The following CNTN3 variants were observed in gnomAD, a reference collection of about 807,000 sequenced individuals.
The protein encoded by CNTN3 is contactin-3.
Under a neutral mutation model 119.1 loss-of-function variants are expected in CNTN3, and 60 were observed. The observed-to-expected ratio is 0.50, with a 90% confidence interval of 0.41 to 0.62. The LOEUF is 0.62. Among genes scored for constraint, CNTN3 ranks in the 20% least tolerant of loss-of-function variants. CNTN3 has a pLI of 0.00. For missense variants in CNTN3, 1,101 were observed against 1,242.4 expected, an observed-to-expected ratio of 0.89 and a Z score of 1.71; for synonymous variants, 450 against 438.7, an observed-to-expected ratio of 1.03 and a Z score of -0.32.
intron 4 of CNTN3, among the ~76,000 whole-genome samples, chr3:74,432,998 T>C (rs917411995): frequency 7.2e-5 from 11 of 152,124 alleles, no homozygotes; most frequent in African/African-American, 2.7e-4. Flanking sequence ...CCAAAAAGAC[T>C]TGGGTGACAT....
At chr3:74,441,160 A>G (rs1052706250) in intron 4 of CNTN3, among the ~76,000 whole-genome samples, 5 of 152,166 alleles carry the variant, frequency 3.3e-5, no homozygotes, top group Non-Finnish European at 5.9e-5. Flanking sequence ...AGTTTTCATG[A>G]CATAGGCCTT....
chr3:74,405,876 C>T lies in CNTN3; in HGVS notation c.454+18969G>A, dbSNP rs546202894. On this transcript the variant is annotated intron_variant, in intron 5 of 22. Coordinates refer to ENST00000263665, the MANE Select transcript of CNTN3 (RefSeq NM_020872.3). ...TTAGTTTCAATAGATTCGTGGGTGA[C>T]GTTCATGAGTTCTCAGAAGATACAA... Among the ~76,000 whole-genome samples, 21 of 152,072 alleles carry T rather than the reference C, an allele frequency of 1.4e-4. 1 individual carries two copies. In the South Asian group the frequency reaches 3.3e-3, roughly 24 times the overall value.
intron 4 of CNTN3, among the ~76,000 whole-genome samples, chr3:74,436,636 T>G (rs1490019096): frequency 2.6e-5 from 4 of 152,220 alleles, no homozygotes; most frequent in African/African-American, 9.6e-5. Context: ...GTTGTTTATA[T>G]AAAAACAAAT....
chr3:74,502,742 T>G (rs1457630051), intron 2 of CNTN3, among the ~76,000 whole-genome samples: 4 of 152,100 alleles, frequency 2.6e-5, no homozygotes, highest in African/African-American at 9.7e-5. Flanking sequence ...AATGTCACCT[T>G]CTCAGCTTAA....
intron 4 of CNTN3, among the ~76,000 whole-genome samples, chr3:74,464,227 T>C (rs1446600408): frequency 6.6e-6 from 1 of 152,122 alleles, no homozygotes; most frequent in Non-Finnish European, 1.5e-5. Context: ...CCATAATAAT[T>C]GCTCAAGTAT....
chr3:74,555,394 T>C (rs992049168), intron 1 of CNTN3, among the ~76,000 whole-genome samples: 10 of 152,092 alleles, frequency 6.6e-5, no homozygotes, highest in African/African-American at 2.4e-4. Context: ...TGTGTATCTG[T>C]CAGGCTTTGG....
At chr3:74,575,606 A>AACACACACACACACACACACAC (rs71129762) in intron 1 of CNTN3, among the ~76,000 whole-genome samples, 90 of 135,170 alleles carry the variant, frequency 6.7e-4, no homozygotes, top group East Asian at 1.8e-3. Context: ...AGTCTCTCCC[A>AACACACACACACACACACACAC]ACACACACAC....
At chr3:74,434,518 ATC>A (rs1349484958) in intron 4 of CNTN3, among the ~76,000 whole-genome samples, 2 of 152,142 alleles carry the variant, frequency 1.3e-5, no homozygotes, top group Non-Finnish European at 2.9e-5. Flanking sequence ...GTCCATGAAC[ATC>A]TGTTTCCTTT....
intron 13 of CNTN3, among the ~76,000 whole-genome samples, chr3:74,320,375 G>A (rs1310056408): frequency 3.9e-5 from 6 of 152,098 alleles, no homozygotes; most frequent in East Asian, 1.9e-4. Context: ...GTAGGGACAT[G>A]GATGAAGCTG....
chr3:74,462,870 G>A (rs1205572489), intron 4 of CNTN3, among the ~76,000 whole-genome samples: 2 of 152,100 alleles, frequency 1.3e-5, no homozygotes, highest in African/African-American at 2.4e-5. Context: ...TTGAAATGCA[G>A]AAACAATCAG....
At chr3:74,310,251 T>C (rs1263701626) in intron 13 of CNTN3, among the ~76,000 whole-genome samples, 1 of 152,240 alleles carries the variant, frequency 6.6e-6, no homozygotes, top group South Asian at 2.1e-4. Flanking sequence ...CATTGTTTCA[T>C]AGAAACTTGA....
chr3:74,511,400 A>T (rs1424152398), intron 2 of CNTN3, among the ~76,000 whole-genome samples: 3 of 152,158 alleles, frequency 2.0e-5, no homozygotes, highest in African/African-American at 7.2e-5. Context: ...TCCTCCTGGA[A>T]TATTTTTGCC....
chr3:74,549,957 G>A (rs907297186), intron 1 of CNTN3, among the ~76,000 whole-genome samples: 1 of 152,200 alleles, frequency 6.6e-6, no homozygotes. Context: ...CTAGAGTGCT[G>A]AGTAGAGAAA....
chr3:74,514,008 T>C (rs1387397455), intron 2 of CNTN3, among the ~76,000 whole-genome samples: 3 of 151,948 alleles, frequency 2.0e-5, no homozygotes, highest in Non-Finnish European at 4.4e-5. Flanking sequence ...ATTTTCCTTC[T>C]TTTCAAGTGA....
intron 22 of CNTN3, among the ~76,000 whole-genome samples, chr3:74,265,588 C>T (rs548039116): frequency 7.2e-5 from 11 of 152,128 alleles, no homozygotes; most frequent in Admixed American, 6.6e-4. Context: ...CTTAGTGTAG[C>T]TTTGTTTGTT....
intron 2 of CNTN3, among the ~76,000 whole-genome samples, chr3:74,505,847 T>G (rs772018442): frequency 4.6e-5 from 7 of 152,060 alleles, no homozygotes; most frequent in Admixed American, 3.3e-4. Flanking sequence ...GCAGCTGGAG[T>G]ATGATAGCAA....
At chr3:74,304,221 T>C (rs1240306820) in intron 13 of CNTN3, among the ~76,000 whole-genome samples, 3 of 152,326 alleles carry the variant, frequency 2.0e-5, no homozygotes, top group Non-Finnish European at 4.4e-5. Flanking sequence ...TGATTGATAG[T>C]TGTAATTAAA....
In CNTN3 at chr3:74,334,812, T is replaced by A. The variant is rs1338021116; in HGVS notation, c.1591A>T (p.Ile531Phe). 6.2e-7 allele frequency: 1 copy of A among 1,613,654 alleles called. No individual in the cohort carries two copies. Among genetic ancestry groups the A allele is most frequent in the East Asian group, 2.2e-5 (1 of 44,862 alleles). The change falls in exon 13 of 23, where the codon ATC (isoleucine) becomes TTC (phenylalanine). Residue 531 changes from isoleucine (I) to phenylalanine (F), a missense_variant. Physicochemically the swap from Ile to Phe is conservative, Grantham distance 21 (BLOSUM62 0). Coordinates refer to ENST00000263665, the MANE Select transcript of CNTN3 (RefSeq NM_020872.3). ...CQVQHDPLLD[I>F]IFTWYFNGAL... The stretch of plus-strand genomic sequence containing the variant: ...CCATTGAAATACCAGGTAAAGATGA[T>A]GTCTAACAGCGGGTCATGTTGTACC...
At chr3:74,503,664 G>A (rs1703203851) in intron 2 of CNTN3, among the ~76,000 whole-genome samples, 1 of 152,078 alleles carries the variant, frequency 6.6e-6, no homozygotes, top group African/African-American at 2.4e-5. Context: ...TATTCACACA[G>A]CTATTCATAA....
Sources: allele counts gnomAD v4.1 joint callset (sites outside exome capture counted in the v4.1 genomes callset), GRCh38; gene constraint gnomAD v4.1.1; transcripts MANE v1.5; gene names NCBI Gene and HGNC (gene_info 2026-07-23, HGNC 2026-07-21).